Variants in OPCML observed in about 807,000 individuals in gnomAD.
The protein encoded by OPCML is opioid binding protein/cell adhesion molecule like.
OPCML carries 13 observed loss-of-function variants against 37.8 expected under a neutral mutation model. The observed-to-expected ratio is 0.34, with a 90% CI of 0.22 to 0.55. The LOEUF (loss-of-function observed/expected upper bound fraction) is 0.55. OPCML is among the 20% of genes least tolerant of loss of function. OPCML has a pLI of 0.91. For missense variants in OPCML, 341 were observed against 435.6 expected (o/e 0.78, Z 1.93); for synonymous variants, 176 against 168.8 (o/e 1.04, Z -0.33).
intron 1 of OPCML, among the ~76,000 whole-genome samples, chr11:133,415,547 G>A (rs542425276): frequency 3.3e-5 from 5 of 152,284 alleles, no homozygotes; most frequent in African/African-American, 1.2e-4. Context: ...CAGTCAGGGA[G>A]GGTCAACCAG....
chr11:133,211,326 A>G lies in OPCML; in HGVS notation c.62-268316T>C, dbSNP rs1180732835. Reference sequence around the variant, plus strand: ...ACCTAAAAATCCACTCTTTAAGCATAATAGTCTATTGATTACCTCAGTTAT... The same window carrying G: ...ACCTAAAAATCCACTCTTTAAGCATGATAGTCTATTGATTACCTCAGTTAT... On this transcript the variant is annotated intron_variant, in intron 1 of 7. Transcript: ENST00000524381. This position sits in a 1 kb window ranked among gnomAD's most constrained non-coding sequence, Gnocchi z 4.1. 2.6e-5 allele frequency among the ~76,000 whole-genome samples: 4 copies of G among 152,208 alleles called. No homozygotes were observed. Among genetic ancestry groups the G allele is most frequent in the Non-Finnish European group, 5.9e-5 (4 of 68,036 alleles).
chr11:133,258,222 C>T (rs759005972), intron 1 of OPCML, among the ~76,000 whole-genome samples: 14 of 152,160 alleles, frequency 9.2e-5, no homozygotes, highest in Non-Finnish European at 1.9e-4. Flanking sequence ...AGCCCATGAA[C>T]GACATCCAGT....
chr11:133,121,447 A>G (rs919872533), intron 1 of OPCML, among the ~76,000 whole-genome samples: 1 of 152,180 alleles, frequency 6.6e-6, no homozygotes, highest in Non-Finnish European at 1.5e-5. Flanking sequence ...GTCCTGATAC[A>G]CTTCAGACAA....
chr11:132,493,956 G>A (rs2096223625), intron 4 of OPCML, among the ~76,000 whole-genome samples: 2 of 152,150 alleles, frequency 1.3e-5, no homozygotes, highest in Admixed American at 6.5e-5. Flanking sequence ...GGGAGCACGG[G>A]CAACCTCTGC....
chr11:132,782,701 C>T (rs1947072443), intron 2 of OPCML, among the ~76,000 whole-genome samples: 1 of 151,870 alleles, frequency 6.6e-6, no homozygotes, highest in African/African-American at 2.4e-5. Context: ...GGGAAAATCA[C>T]TTCTCTCATT....
chr11:132,954,124 GTTTTTTGTTTGT>G (rs939174612), intron 1 of OPCML, among the ~76,000 whole-genome samples: 73 of 82,358 alleles, frequency 8.9e-4, no homozygotes, highest in African/African-American at 3.0e-3. Flanking sequence ...TCTTTCTTGG[GTTTTTTGTTTGT>G]TTTTTTGTTT....
intron 1 of OPCML, among the ~76,000 whole-genome samples, chr11:133,221,275 C>T (rs557027955): frequency 3.3e-5 from 5 of 152,276 alleles, no homozygotes; most frequent in African/African-American, 1.2e-4. Context: ...GTGACTTGGT[C>T]GAAGCAGGTT....
intron 3 of OPCML, among the ~76,000 whole-genome samples, chr11:132,606,447 G>A (rs1938301435): frequency 1.3e-5 from 2 of 152,286 alleles, no homozygotes; most frequent in South Asian, 2.1e-4. Flanking sequence ...ATTTGTCAGA[G>A]CATCTCCTTT....
intron 1 of OPCML, among the ~76,000 whole-genome samples, chr11:133,018,534 G>A (rs1947381791): frequency 6.6e-6 from 1 of 152,024 alleles, no homozygotes; most frequent in Non-Finnish European, 1.5e-5. Flanking sequence ...TTTGTAGATC[G>A]GAAAATCCGA....
chr11:132,925,920 T>C (rs1944975335), intron 2 of OPCML, among the ~76,000 whole-genome samples: 1 of 152,210 alleles, frequency 6.6e-6, no homozygotes, highest in South Asian at 2.1e-4. Context: ...CTCTTGCTTA[T>C]TCTGGCCCAG....
At chr11:133,056,464 C>T (rs1428069873) in intron 1 of OPCML, among the ~76,000 whole-genome samples, 1 of 152,178 alleles carries the variant, frequency 6.6e-6, no homozygotes, top group Admixed American at 6.5e-5. Context: ...GAGAATGTCT[C>T]TTTTTATGAA....
chr11:132,892,405 T>C (rs1943684282), intron 2 of OPCML, among the ~76,000 whole-genome samples: 1 of 152,074 alleles, frequency 6.6e-6, no homozygotes, highest in African/African-American at 2.4e-5. Flanking sequence ...GAAAGAAATA[T>C]AGAGAAAAAA....
chr11:133,175,485 A>C (rs1950356722), intron 1 of OPCML, among the ~76,000 whole-genome samples: 1 of 39,894 alleles, frequency 2.5e-5, no homozygotes, highest in South Asian at 1.2e-3. Context: ...AGAAAAATAG[A>C]AAAAAAAAAA....
chr11:133,093,205 C>T (rs1162459768), intron 1 of OPCML, among the ~76,000 whole-genome samples: 1 of 151,906 alleles, frequency 6.6e-6, no homozygotes, highest in African/African-American at 2.4e-5. Context: ...AATGTGTAGT[C>T]TTTTCTCCCT....
chr11:132,485,178 A>G (rs184210164), intron 4 of OPCML, among the ~76,000 whole-genome samples: 1 of 152,220 alleles, frequency 6.6e-6, no homozygotes, highest in Non-Finnish European at 1.5e-5. Context: ...GGTATTAAAA[A>G]TTTTCATTCC....
chr11:132,941,506 C>T (rs1349501591), intron 2 of OPCML, among the ~76,000 whole-genome samples: 2 of 152,200 alleles, frequency 1.3e-5, no homozygotes, highest in African/African-American at 4.8e-5. Flanking sequence ...TATCTTTAAG[C>T]CAACTAGCTC....
At chr11:133,327,403 G>C (rs1003080680) in intron 1 of OPCML, among the ~76,000 whole-genome samples, 23 of 151,914 alleles carry the variant, frequency 1.5e-4, no homozygotes, top group African/African-American at 5.6e-4. Flanking sequence ...TGCAGAGATA[G>C]TGTGGCCTTA....
At chr11:133,240,226 A>AC (rs1164979928) in intron 1 of OPCML, among the ~76,000 whole-genome samples, 18 of 151,686 alleles carry the variant, frequency 1.2e-4, no homozygotes, top group Non-Finnish European at 2.4e-4. Flanking sequence ...AAAAAAAAAA[A>AC]AAAAAAAAAC....
At chr11:133,226,776 G>A (rs1940055980) in intron 1 of OPCML, among the ~76,000 whole-genome samples, 1 of 152,120 alleles carries the variant, frequency 6.6e-6, no homozygotes, top group Non-Finnish European at 1.5e-5. Context: ...TCTGTCCTAG[G>A]GGAGAGGAGG....
Sources: gnomAD v4.1 joint callset for allele counts (sites outside exome capture counted in the v4.1 genomes callset) on GRCh38, gnomAD v4.1.1 for gene constraint, Gnocchi (gnomAD v3.1) non-coding constraint, MANE v1.5 for transcripts, NCBI Gene and HGNC (gene_info 2026-07-23, HGNC 2026-07-21) for gene names.